Variants in C12orf42 observed in about 807,000 individuals in gnomAD.
C12orf42 encodes chromosome 12 open reading frame 42, also known as uncharacterized protein C12orf42.
In C12orf42, 25 loss-of-function variants were observed where a neutral mutation model predicts 21.6. The ratio of observed to expected loss-of-function variants is 1.16; its 90% CI spans 0.84 to 1.62. The LOEUF is 1.62. Among genes scored for constraint, C12orf42 ranks in the 40% most tolerant of loss-of-function variants. The probability of loss-of-function intolerance (pLI) is 0.00; values close to 1 mark genes in which losing one functional copy is unlikely to be tolerated. For missense variants in C12orf42, 483 were observed against 459.3 expected (o/e 1.05, Z -0.47); for synonymous variants, 174 against 175.0 (o/e 0.99, Z 0.05).
upstream of C12orf42, among the ~76,000 whole-genome samples, chr12:103,500,691 G>A (rs142100467): frequency 6.6e-6 from 1 of 152,340 alleles, no homozygotes; most frequent in African/African-American, 2.4e-5. Flanking sequence ...ATTGTGTTGT[G>A]CATGTTAGCA....
the C12orf42 span, chr12:103,167,957 A>C: frequency 1.3e-4 from 54 of 428,944 alleles, no homozygotes; most frequent in Non-Finnish European, 2.2e-4. Context: ...GGTTAGAAAG[A>C]ACAGTCTCTA....
intron 4 of C12orf42, among the ~76,000 whole-genome samples, chr12:103,341,112 C>CAAA (rs34154888): frequency 0.064 from 3,036 of 47,576 alleles, 176 homozygotes; most frequent in African/African-American, 0.082. Context: ...GACTCTGTCT[C>CAAA]AAAAAAAAAA....
intron 4 of C12orf42, chr12:103,277,278 T>A (rs1007618601): frequency 2.7e-6 from 1 of 370,840 alleles, no homozygotes; most frequent in Non-Finnish European, 5.2e-6. Context: ...AAAATTATAA[T>A]AAACTTATTA....
At chr12:103,120,598 C>T in the C12orf42 span, among the ~76,000 whole-genome samples, 8 of 152,036 alleles carry the variant, frequency 5.3e-5, no homozygotes, top group South Asian at 1.7e-3. Flanking sequence ...CTTCACTTTT[C>T]TTATCAATAA....
At chr12:103,527,867 T>C in the C12orf42 span, among the ~76,000 whole-genome samples, 17 of 152,346 alleles carry the variant, frequency 1.1e-4, no homozygotes, top group African/African-American at 3.6e-4. Flanking sequence ...AAATATCATC[T>C]CTGTTCTTTA....
At chr12:103,335,782 A>G (rs1304806241) in intron 4 of C12orf42, among the ~76,000 whole-genome samples, 2 of 152,204 alleles carry the variant, frequency 1.3e-5, no homozygotes, top group Non-Finnish European at 2.9e-5. Flanking sequence ...TGGCTGAAAA[A>G]GAAATGTTTC....
At chr12:103,281,906 G>GAAA (rs1007989288) in intron 4 of C12orf42, among the ~76,000 whole-genome samples, 1 of 102,264 alleles carries the variant, frequency 9.8e-6, no homozygotes, top group South Asian at 3.3e-4. Context: ...AGAAAGAAAA[G>GAAA]AAGAAAGAAA....
intron 4 of C12orf42, among the ~76,000 whole-genome samples, chr12:103,345,923 T>C (rs2042581485): frequency 6.6e-6 from 1 of 152,204 alleles, no homozygotes; most frequent in Admixed American, 6.5e-5. Context: ...CATGGGGCTA[T>C]AAGCCTTCAA....
chr12:103,228,037 C>T, the C12orf42 span, among the ~76,000 whole-genome samples: 12 of 152,042 alleles, frequency 7.9e-5, no homozygotes, highest in Middle Eastern at 3.2e-3. Flanking sequence ...TCTAATGGAG[C>T]GAAGAACACG....
At chr12:103,248,265 G>A (rs2034109047) in intron 10 of C12orf42, among the ~76,000 whole-genome samples, 2 of 151,890 alleles carry the variant, frequency 1.3e-5, no homozygotes, top group South Asian at 4.1e-4. Context: ...ACAATGAATT[G>A]TCGGCATACA....
the C12orf42 span, chr12:103,161,535 T>C: frequency 1.2e-4 from 19 of 152,342 alleles, no homozygotes; most frequent in East Asian, 3.7e-3. Flanking sequence ...CTGCCACTTA[T>C]TTCACCACAG....
intron 1 of C12orf42, among the ~76,000 whole-genome samples, chr12:103,483,220 G>T (rs1213164885): frequency 6.6e-6 from 1 of 152,072 alleles, no homozygotes; most frequent in African/African-American, 2.4e-5. Context: ...TGGATTTTGG[G>T]TGATGATGCG....
chr12:103,539,869 G>A, the C12orf42 span, among the ~76,000 whole-genome samples: 1 of 151,836 alleles, frequency 6.6e-6, no homozygotes, highest in Non-Finnish European at 1.5e-5. Flanking sequence ...ATGAGCCAAC[G>A]CGCTTGGCCT....
chr12:103,157,538 T>C, the C12orf42 span, among the ~76,000 whole-genome samples: 3 of 152,248 alleles, frequency 2.0e-5, no homozygotes, highest in Admixed American at 6.5e-5. Context: ...CATGAAGTCT[T>C]TGCCCATGCC....
At chr12:103,180,854 C>G in the C12orf42 span, among the ~76,000 whole-genome samples, 1 of 151,690 alleles carries the variant, frequency 6.6e-6, no homozygotes, top group Admixed American at 6.6e-5. Context: ...TCTCGAACTC[C>G]TGACCTCAGG....
At chr12:103,219,221 A>G in the C12orf42 span, among the ~76,000 whole-genome samples, 1 of 152,198 alleles carries the variant, frequency 6.6e-6, no homozygotes, top group African/African-American at 2.4e-5. Context: ...AGAAAACTGA[A>G]ACTGGACCCC....
chr12:103,183,533 T>C, the C12orf42 span, among the ~76,000 whole-genome samples: 1 of 152,200 alleles, frequency 6.6e-6, no homozygotes, highest in Non-Finnish European at 1.5e-5. Context: ...TTGGTTTCAT[T>C]AATTGTTTCT....
the C12orf42 span, among the ~76,000 whole-genome samples, chr12:103,513,248 ACT>A: frequency 6.6e-6 from 1 of 152,100 alleles, no homozygotes; most frequent in Admixed American, 6.5e-5. Flanking sequence ...GGGAAAAAGA[ACT>A]CTCTTTCTGT....
At chr12:103,291,221 C>T (rs1233141213) in intron 4 of C12orf42, among the ~76,000 whole-genome samples, 1 of 152,178 alleles carries the variant, frequency 6.6e-6, no homozygotes, top group Non-Finnish European at 1.5e-5. Flanking sequence ...CCTGCCTAGG[C>T]TTACAGTCCA....
Sources: allele counts gnomAD v4.1 joint callset (sites outside exome capture counted in the v4.1 genomes callset), GRCh38; gene constraint gnomAD v4.1.1; transcripts MANE v1.5; gene names NCBI Gene and HGNC (gene_info 2026-07-23, HGNC 2026-07-21).